The following JAZF1 variants were observed in gnomAD, a reference collection of about 807,000 sequenced individuals.
The protein encoded by JAZF1 is JAZF zinc finger 1.
JAZF1 carries 8 observed loss-of-function variants against 26.4 expected under a neutral mutation model. That is an observed-to-expected ratio of 0.30 (90% confidence interval 0.18 to 0.55). The LOEUF is 0.55. Among genes scored for constraint, JAZF1 ranks in the 20% least tolerant of loss-of-function variants. JAZF1 has a pLI of 0.94. For synonymous variants in JAZF1, 126 were observed against 122.3 expected, an observed-to-expected ratio of 1.03 and a Z score of -0.20; for missense variants, 199 against 322.0, an observed-to-expected ratio of 0.62 and a Z score of 2.92.
At chr7:28,105,714 A>C (rs1784540845) in intron 1 of JAZF1, among the ~76,000 whole-genome samples, 1 of 152,234 alleles carries the variant, frequency 6.6e-6, no homozygotes, top group Non-Finnish European at 1.5e-5. Context: ...ACCAAGCTTG[A>C]CTTGCTCCTC....
intron 1 of JAZF1, among the ~76,000 whole-genome samples, chr7:28,108,131 C>T (rs1376138273): frequency 6.6e-6 from 1 of 152,216 alleles, no homozygotes; most frequent in African/African-American, 2.4e-5. Flanking sequence ...TGGTTCTCTG[C>T]ACTATCTTTA....
chr7:27,991,610 C>A (rs1785905278), intron 2 of JAZF1, among the ~76,000 whole-genome samples: 1 of 152,180 alleles, frequency 6.6e-6, no homozygotes, highest in Non-Finnish European at 1.5e-5. Flanking sequence ...GAACATAAAT[C>A]CATTAATCTC....
intron 2 of JAZF1, among the ~76,000 whole-genome samples, chr7:27,952,379 G>A (rs1410271780): frequency 6.6e-6 from 1 of 152,206 alleles, no homozygotes; most frequent in Non-Finnish European, 1.5e-5. Flanking sequence ...CCAATGAAAT[G>A]GTTCCCATGC....
intron 1 of JAZF1, among the ~76,000 whole-genome samples, chr7:28,176,246 G>C (rs1057014420): frequency 6.6e-6 from 1 of 152,196 alleles, no homozygotes; most frequent in Non-Finnish European, 1.5e-5. Context: ...TAGCAAAGCT[G>C]AGGATCCTAA....
rs373058373 is a variant in JAZF1 at position 27,987,593 on chromosome 7, C to T, written c.188+4316G>A. On this transcript the variant is annotated intron_variant, in intron 2 of 4. Transcript: ENST00000283928. ...GGGGGGCAGCCCCCGCCCGGCCAGC[C>T]GCCCCGTCCGGGAGGGAGATGGGGG... Among the ~76,000 whole-genome samples, 779 of 151,852 alleles carry T rather than the reference C, an allele frequency of 5.1e-3. 9 individuals are homozygous for T. Among genetic ancestry groups the T allele is most frequent in the South Asian group, 0.011 (54 of 4,818 alleles).
chr7:27,962,258 T>C (rs1250037688), intron 2 of JAZF1, among the ~76,000 whole-genome samples: 1 of 152,182 alleles, frequency 6.6e-6, no homozygotes, highest in East Asian at 1.9e-4. Context: ...TTCCTCAACA[T>C]TTTCTGATTG....
intron 2 of JAZF1, among the ~76,000 whole-genome samples, chr7:27,938,816 T>C (rs914763480): frequency 1.1e-4 from 17 of 151,896 alleles, no homozygotes; most frequent in Admixed American, 8.5e-4. Context: ...TTTTTTTTTT[T>C]TTTTTGTAGA....
At chr7:27,837,936 T>C (rs1782848492) in intron 4 of JAZF1, among the ~76,000 whole-genome samples, 1 of 151,756 alleles carries the variant, frequency 6.6e-6, no homozygotes, top group South Asian at 2.1e-4. Flanking sequence ...GACTTCAGAC[T>C]CTTATTGGCC....
At chr7:27,980,716 C>G (rs1201383187) in intron 2 of JAZF1, among the ~76,000 whole-genome samples, 1 of 151,946 alleles carries the variant, frequency 6.6e-6, no homozygotes, top group East Asian at 1.9e-4. Flanking sequence ...ATAAAAATCT[C>G]TTATTTGTAT....
At chr7:28,096,073 G>C (rs569095684) in intron 1 of JAZF1, among the ~76,000 whole-genome samples, 20 of 152,218 alleles carry the variant, frequency 1.3e-4, no homozygotes, top group Admixed American at 7.2e-4. Flanking sequence ...AATTTGGGGG[G>C]GGCACAAACA....
intron 1 of JAZF1, among the ~76,000 whole-genome samples, chr7:28,135,883 C>A (rs1299152410): frequency 6.6e-5 from 10 of 152,148 alleles, no homozygotes; most frequent in Non-Finnish European, 1.5e-4. Context: ...TCAACCAATT[C>A]ATCTCTGGTC....
intron 1 of JAZF1, among the ~76,000 whole-genome samples, chr7:28,056,228 T>C (rs1233041720): frequency 6.6e-6 from 1 of 150,942 alleles, no homozygotes; most frequent in East Asian, 1.9e-4. Context: ...CGCAATAAAC[T>C]AAAGCATAAA....
chr7:28,180,632 G>C lies in JAZF1; in HGVS notation c.-55C>G. 7.9e-7 allele frequency: 1 copy of C among 1,267,142 alleles called. No individual in the cohort carries two copies. Among genetic ancestry groups the C allele is most frequent in the Non-Finnish European group, 1.1e-6 (1 of 893,754 alleles). 78.5% of individuals were successfully genotyped at this position (1,267,142 alleles called of 1,614,324 possible). ...GGCTCTGCGAGCGCCGGGCGGGCGA[G>C]GGAGGGAGGGAGGCCGGGTGGGGTG... On this transcript the variant is annotated 5_prime_UTR_variant, in exon 1 of 5. Coordinates refer to ENST00000283928, the MANE Select transcript of JAZF1 (RefSeq NM_175061.4).
Position 27,979,405 on chromosome 7 carries a change from T to TTTTTTTTTTTTC in JAZF1, c.188+12503_188+12504insGAAAAAAAAAAA, listed in dbSNP as rs1368873651. ...TTTTTTTTTTTTTTTTTTTTTTTTT[T>TTTTTTTTTTTTC]AGAAACAGAGTCTTGTTCTATCACC... On this transcript the variant is annotated intron_variant, in intron 2 of 4. Coordinates refer to ENST00000283928, the MANE Select transcript of JAZF1 (RefSeq NM_175061.4). 1.3e-4 allele frequency among the ~76,000 whole-genome samples: 11 copies of TTTTTTTTTTTTC among 84,248 alleles called. 3 individuals carry two copies. The East Asian group carries it at 3.3e-3, about 25-fold the overall frequency. The allele number at this position is 84,248 out of a possible 152,430, so 55.3% of individuals were successfully genotyped here.
chr7:28,020,928 T>C (rs1782996661), intron 1 of JAZF1: 1 of 315,914 alleles, frequency 3.2e-6, no homozygotes, highest in African/African-American at 2.2e-5. Flanking sequence ...AATAGAAAAG[T>C]AACCTGGTTC....
intron 1 of JAZF1, among the ~76,000 whole-genome samples, chr7:28,159,427 G>A (rs1476755803): frequency 3.3e-5 from 5 of 151,994 alleles, no homozygotes; most frequent in African/African-American, 4.8e-5. Context: ...GCCAACTCAG[G>A]AGAGGAGGAC....
At chr7:28,055,227 C>T (rs924660171) in intron 1 of JAZF1, among the ~76,000 whole-genome samples, 3 of 152,056 alleles carry the variant, frequency 2.0e-5, no homozygotes, top group Admixed American at 2.0e-4. Context: ...TCTCTCCCTC[C>T]CATCCCCTTT....
chr7:28,166,957 G>T (rs1294918039), intron 1 of JAZF1, among the ~76,000 whole-genome samples: 1 of 152,134 alleles, frequency 6.6e-6, no homozygotes, highest in East Asian at 1.9e-4. Flanking sequence ...ATCATATTAT[G>T]GAAATATGAA....
chr7:28,029,285 T>A (rs1202097234), intron 1 of JAZF1, among the ~76,000 whole-genome samples: 1 of 152,090 alleles, frequency 6.6e-6, no homozygotes, highest in Non-Finnish European at 1.5e-5. Context: ...AAAATTTTAG[T>A]CAGAAAACTT....
Sources: allele counts gnomAD v4.1 joint callset (sites outside exome capture counted in the v4.1 genomes callset), GRCh38; gene constraint gnomAD v4.1.1; transcripts MANE v1.5; gene names NCBI Gene and HGNC (gene_info 2026-07-23, HGNC 2026-07-21).